RAD51AP2: variants seen among roughly 807,000 people sequenced by gnomAD.
RAD51AP2 encodes the protein RAD51 associated protein 2.
In RAD51AP2, 67 loss-of-function variants were observed where a neutral mutation model predicts 85.5. That is an observed-to-expected ratio of 0.78 (90% confidence interval 0.64 to 0.96). The LOEUF is 0.96. RAD51AP2 is among the 40% of genes least tolerant of loss of function. The probability of loss-of-function intolerance (pLI) is 0.00; values close to 1 mark genes in which losing one functional copy is unlikely to be tolerated. For synonymous variants in RAD51AP2, 474 were observed against 446.5 expected (o/e 1.06, Z -0.78); for missense variants, 1,307 against 1,332.4 (o/e 0.98, Z 0.30).
rs768572771 is a variant in RAD51AP2, at chr2:17,516,321, C to T, written c.2095G>A (p.Glu699Lys). 2 of 1,606,866 alleles carry T rather than the reference C, an allele frequency of 1.2e-6. No homozygotes were observed. The highest frequency in any genetic ancestry group is 1.7e-6 in the Non-Finnish European group (2 of 1,178,146). ...GTAATTTCTCTTATTAAAGAAATTTCATCCATGTCATCAAAGTCCATTAAA... is the reference window on the plus strand; with the variant it reads ...GTAATTTCTCTTATTAAAGAAATTTTATCCATGTCATCAAAGTCCATTAAA... The part of the protein sequence containing the change: ...PLLMDFDDMD[E>K]ISLIREITCQ... Residue 699 changes from glutamate (E) to lysine (K), a missense_variant, in exon 1 of 3, where the codon GAA becomes AAA. Coordinates refer to ENST00000399080, the MANE Select transcript of RAD51AP2 (RefSeq NM_001099218.3).
chr2:17,522,083 CAA>C (rs1662868704), upstream of RAD51AP2, among the ~76,000 whole-genome samples: 1 of 152,008 alleles, frequency 6.6e-6, no homozygotes. Flanking sequence ...AATACCATTA[CAA>C]AAGTTTTTTT....
upstream of RAD51AP2, among the ~76,000 whole-genome samples, chr2:17,518,886 T>TA (rs1329766921): frequency 3.9e-5 from 6 of 152,084 alleles, no homozygotes; most frequent in Non-Finnish European, 8.8e-5. Flanking sequence ...GACTCTCCAG[T>TA]AAAATCGTGT....
the RAD51AP2 span, among the ~76,000 whole-genome samples, chr2:17,524,031 T>C: frequency 6.6e-6 from 1 of 151,948 alleles, no homozygotes; most frequent in Non-Finnish European, 1.5e-5. Flanking sequence ...TAAGATTTAA[T>C]CCTTGTCTCT....
chr2:17,527,630 G>C, the RAD51AP2 span, among the ~76,000 whole-genome samples: 1 of 152,146 alleles, frequency 6.6e-6, no homozygotes, highest in Non-Finnish European at 1.5e-5. Flanking sequence ...TGTTACAGCT[G>C]CTTTGAGGGT....
At position 17,518,191 on chromosome 2, in the gene RAD51AP2, A is replaced by C. The variant is rs368359289; in HGVS notation, c.225T>G (p.Leu75=). ...ELSPRPFKGL[L]VSTNAIFDNS... Reference sequence around the variant, plus strand: ...TATCGAAAATAGCATTCGTTGAAACAAGGAGTCCCTTGAAGGGTCTAGGGG... The same window carrying C: ...TATCGAAAATAGCATTCGTTGAAACCAGGAGTCCCTTGAAGGGTCTAGGGG... The change falls in exon 1 of 3, where the codon CTT becomes CTG. Residue 75 remains leucine, a synonymous_variant. Coordinates refer to ENST00000399080, the MANE Select transcript of RAD51AP2 (RefSeq NM_001099218.3). The C allele has an allele frequency of 1.4e-5, 22 of 1,614,174 alleles. No individual in the cohort carries two copies. In the African/African-American group the frequency reaches 2.9e-4, roughly 22 times the overall value.
intron 2 of RAD51AP2, among the ~76,000 whole-genome samples, chr2:17,512,458 T>TA (rs1662519731): frequency 6.6e-6 from 1 of 152,230 alleles, no homozygotes; most frequent in African/African-American, 2.4e-5. Flanking sequence ...GCTGAATTCA[T>TA]ACATTATTTT....
chr2:17,517,994 T>C lies in RAD51AP2; in HGVS notation c.422A>G (p.Glu141Gly). ...GRSEAGLHDR[E>G]AFSVHRSNSS... ...ATTACTGCGGTGCACACTGAAAGCC[T>C]CTCTGTCATGCAGGCCTGCCTCAGA... The change falls in exon 1 of 3, where the codon GAG becomes GGG. Residue 141 changes from glutamate (E) to glycine (G), a missense_variant. By Grantham distance (98) the Glu-to-Gly change is moderately conservative. This residue lies in a region of RAD51AP2 where 635 missense variants were observed against 643.6 expected (regional missense o/e 0.99). Coordinates refer to ENST00000399080, the MANE Select transcript of RAD51AP2 (RefSeq NM_001099218.3). 1 of 1,614,194 alleles carries C rather than the reference T, an allele frequency of 6.2e-7. No individual in the cohort carries two copies. The highest frequency in any genetic ancestry group is 1.1e-5 in the South Asian group (1 of 91,078).
At chr2:17,520,920 C>G (rs188807416), upstream of RAD51AP2, among the ~76,000 whole-genome samples, 179 of 152,226 alleles carry the variant, frequency 1.2e-3, no homozygotes, top group Non-Finnish European at 1.3e-3. Context: ...GAAAGCTTCT[C>G]TTCCTCCTCC....
rs868743952 is a variant in RAD51AP2 at position 17,516,386 on chromosome 2, G to A, written c.2030C>T (p.Thr677Ile). 3 of 1,611,836 alleles carry A rather than the reference G, an allele frequency of 1.9e-6. No homozygotes were observed. Among genetic ancestry groups the A allele is most frequent in the Middle Eastern group, 1.7e-4 (1 of 6,054 alleles). Residue 677 changes from threonine to isoleucine, a missense_variant, in exon 1 of 3, where the codon ACA becomes ATA. Thr to Ile is a moderately conservative substitution (Grantham distance 89). This residue lies in a region of RAD51AP2 where 668 missense variants were observed against 671.0 expected (regional missense o/e 1.00). Transcript: ENST00000399080. ...INSFSMTTQN[T>I]GFPIFETYEK... Reference sequence around the variant, plus strand: ...ATATGTTTCAAAAATCGGAAAACCTGTATTTTGAGTTGTCATACTGAAGGA... The same window carrying A: ...ATATGTTTCAAAAATCGGAAAACCTATATTTTGAGTTGTCATACTGAAGGA...
chr2:17,515,288 C>A lies in RAD51AP2; in HGVS notation c.3128G>T (p.Ser1043Ile). 1 of 1,613,734 alleles carries A rather than the reference C, an allele frequency of 6.2e-7. No individual in the cohort carries two copies. Among genetic ancestry groups the A allele is most frequent in the Non-Finnish European group, 8.5e-7 (1 of 1,179,828 alleles). ...TTTCCATTTAAATAAACTTTGGTGA[C>A]TTTTGCCCATATTAGGACCTGCTAT... ...DTIAGPNMGKSHQSLFKWKTV... is the reference protein window; with the variant it reads ...DTIAGPNMGKIHQSLFKWKTV... The change falls in exon 1 of 3, where the codon AGT (serine) becomes ATT (isoleucine). Residue 1043 changes from serine (S) to isoleucine (I), a missense_variant. By Grantham distance (142) the Ser-to-Ile change is moderately radical (BLOSUM62 -2). Transcript: ENST00000399080.
Position 17,516,270 on chromosome 2 carries a change from G to A in RAD51AP2, c.2146C>T (p.Gln716Ter). ...GCCCAATTTTCCACATTCACAACTTGTTGAGGACAACTCATATTCTGACAA... is the reference window on the plus strand; with the variant it reads ...GCCCAATTTTCCACATTCACAACTTATTGAGGACAACTCATATTCTGACAA... Reference protein sequence around the residue: ...ITCQNMSCPQQVVNVENWAHY... With the variant: ...ITCQNMSCPQ Residue 716 changes from glutamine (Q) to a stop codon, truncating the protein, a stop_gained, in exon 1 of 3, where the codon CAA becomes TAA. Transcript: ENST00000399080. LOFTEE classifies it high-confidence loss of function. 1.2e-6 allele frequency: 2 copies of A among 1,610,834 alleles called. No individual in the cohort carries two copies. Among genetic ancestry groups the A allele is most frequent in the East Asian group, 4.5e-5 (2 of 44,822 alleles).
chr2:17,533,437 G>A, the RAD51AP2 span, among the ~76,000 whole-genome samples: 2 of 152,090 alleles, frequency 1.3e-5, no homozygotes, highest in Non-Finnish European at 2.9e-5. Flanking sequence ...ACATAATCAA[G>A]TATCAAATTT....
At position 17,516,704 on chromosome 2, in the gene RAD51AP2, C is replaced by T. The variant is rs1224497507; in HGVS notation, c.1712G>A (p.Ser571Asn). The T allele has an allele frequency of 1.9e-6, 3 of 1,576,458 alleles. No individual in the cohort carries two copies. The highest frequency in any genetic ancestry group is 1.7e-6 in the Non-Finnish European group (2 of 1,159,010). Residue 571 changes from serine to asparagine, a missense_variant, in exon 1 of 3, where the codon AGT (serine) becomes AAT (asparagine). Around this residue, in one of 3 missense-constraint regions of RAD51AP2, gnomAD observed 668 missense variants for 671.0 expected, o/e 1.00. Coordinates refer to ENST00000399080, the MANE Select transcript of RAD51AP2 (RefSeq NM_001099218.3). ...NGILSIYLQD[S>N]VSEPLDILLK... The stretch of plus-strand genomic sequence containing the variant: ...TAGAATATCTAAAGGTTCTGAAACA[C>T]TATCTTGTAAATATATGCTTAAAAT...
chr2:17,526,556 C>A, the RAD51AP2 span, among the ~76,000 whole-genome samples: 1 of 152,056 alleles, frequency 6.6e-6, no homozygotes, highest in South Asian at 2.1e-4. Flanking sequence ...GTGCCTCAGA[C>A]CATAATTATC....
the RAD51AP2 span, among the ~76,000 whole-genome samples, chr2:17,530,547 C>T: frequency 7.9e-6 from 1 of 127,002 alleles, no homozygotes; most frequent in Admixed American, 9.3e-5. Context: ...TGCCACTGCA[C>T]TGGATCCAGC....
the RAD51AP2 span, among the ~76,000 whole-genome samples, chr2:17,531,575 T>C: frequency 3.9e-5 from 6 of 152,202 alleles, no homozygotes; most frequent in Admixed American, 3.9e-4. Context: ...GAATATTGTT[T>C]AACATTACAG....
chr2:17,528,523 G>A, the RAD51AP2 span, among the ~76,000 whole-genome samples: 1 of 152,092 alleles, frequency 6.6e-6, no homozygotes, highest in Non-Finnish European at 1.5e-5. Context: ...CAGTTTCAGG[G>A]AAGCTACCTA....
chr2:17,515,981 G>T lies in RAD51AP2; in HGVS notation c.2435C>A (p.Thr812Asn), dbSNP rs373757794. ...HNEETHTTSI[T>N]QVLNFWNLLS... ...CAAGTTCCAAAAATTTAGTACTTGA[G>T]TTATAGAAGTGGTATGGGTCTCTTC... Residue 812 changes from threonine (T) to asparagine (N), a missense_variant, in exon 1 of 3, where the codon ACT becomes AAT. Coordinates refer to ENST00000399080, the MANE Select transcript of RAD51AP2 (RefSeq NM_001099218.3). The T allele has an allele frequency of 6.2e-7, 1 of 1,612,252 alleles. No individual in the cohort carries two copies. Among genetic ancestry groups the T allele is most frequent in the African/African-American group, 1.3e-5 (1 of 74,890 alleles).
rs767328552 is a variant in RAD51AP2, at chr2:17,510,892, C to T, written c.3392G>A (p.Arg1131Lys). The part of the protein sequence containing the change: ...RPLKTCSRPI[R>K]IGLSRKARIK... Reference sequence around the variant, plus strand: ...CCTTGCTTTTCTTGACAAACCAATCCTGATTGGCCTACTGCATGTCTTAAG... The same window carrying T: ...CCTTGCTTTTCTTGACAAACCAATCTTGATTGGCCTACTGCATGTCTTAAG... The change falls in exon 3 of 3, where the codon AGG (arginine) becomes AAG (lysine). Residue 1131 changes from arginine (R) to lysine (K), a missense_variant. Around this residue, in one of 3 missense-constraint regions of RAD51AP2, gnomAD observed 668 missense variants for 671.0 expected, o/e 1.00. Coordinates refer to ENST00000399080, the MANE Select transcript of RAD51AP2 (RefSeq NM_001099218.3). The T allele has an allele frequency of 1.9e-5, 31 of 1,608,800 alleles. No homozygotes were observed. Among genetic ancestry groups the T allele is most frequent in the Non-Finnish European group, 2.5e-5 (29 of 1,176,846 alleles).
Sources: allele counts gnomAD v4.1 joint callset (sites outside exome capture counted in the v4.1 genomes callset), GRCh38; gene constraint gnomAD v4.1.1; regional missense constraint gnomAD v4.1.1; transcripts MANE v1.5; gene names NCBI Gene and HGNC (gene_info 2026-07-23, HGNC 2026-07-21).